Variants in HAPLN3 observed in about 807,000 individuals in gnomAD.
HAPLN3 encodes the protein extracellular link domain containing, 1.
A neutral mutation model predicts 28.1 loss-of-function variants in HAPLN3; 28 were observed. That is an observed-to-expected ratio of 1.00 (90% CI 0.74 to 1.37). The LOEUF is 1.37. Ranked by LOEUF, HAPLN3 falls within the 40% of genes most tolerant of loss-of-function variation. The probability of loss-of-function intolerance (pLI) is 0.00; values close to 1 mark genes in which losing one functional copy is unlikely to be tolerated. For missense variants in HAPLN3, 513 were observed against 504.6 expected (o/e 1.02, Z -0.16); for synonymous variants, 211 against 213.1 (o/e 0.99, Z 0.09).
At chr15:88,893,947 G>T (rs1567208710) in intron 1 of HAPLN3, among the ~76,000 whole-genome samples, 1 of 128,816 alleles carries the variant, frequency 7.8e-6, no homozygotes, top group Non-Finnish European at 1.6e-5. Flanking sequence ...AAAAAAAGTT[G>T]GGGTGGGGGG....
At chr15:88,885,276 TTTG>T (rs529785552) in intron 2 of HAPLN3, among the ~76,000 whole-genome samples, 117 of 152,088 alleles carry the variant, frequency 7.7e-4, no homozygotes, top group African/African-American at 2.4e-3. Flanking sequence ...GTGGAACAAG[TTTG>T]TTGTTGTTGT....
chr15:88,886,302 G>T (rs537569201), intron 2 of HAPLN3, among the ~76,000 whole-genome samples: 1 of 145,646 alleles, frequency 6.9e-6, no homozygotes, highest in East Asian at 2.0e-4. Context: ...AGTGAGCCAA[G>T]ATCGCGCCAC....
intron 2 of HAPLN3, among the ~76,000 whole-genome samples, chr15:88,885,615 G>A (rs1458276188): frequency 2.0e-5 from 3 of 151,986 alleles, no homozygotes; most frequent in Admixed American, 1.3e-4. Context: ...CTGCCACCAC[G>A]CCCGGCTACT....
chr15:88,880,353 C>CA lies in HAPLN3; in HGVS notation c.493+1003dup. 1 of 1,120,320 alleles carries CA rather than the reference C, an allele frequency of 8.9e-7. No homozygotes were observed. Among genetic ancestry groups the CA allele is most frequent in the Non-Finnish European group, 1.1e-6 (1 of 905,300 alleles). 69.4% of individuals were successfully genotyped at this position (1,120,320 alleles called of 1,614,324 possible). A position where few individuals can be genotyped will look rare whatever the true frequency, so the allele number is the denominator to read the frequency against. The stretch of plus-strand genomic sequence containing the variant: ...GGCCCCTCTGAGCCACCATGTAAGC[C>CA]ATGTGGACACTGGTGGCAAAGACAG... On this transcript the variant is annotated intron_variant, in intron 3 of 4. Transcript: ENST00000359595. The surrounding 1 kb of genome is among the most constrained non-coding windows in gnomAD (Gnocchi z 6.0).
chr15:88,881,494 ACGCGGCCTTG>A lies in HAPLN3; in HGVS notation c.346_355del (p.Gln116CysfsTer159). On this transcript the variant is annotated frameshift_variant, in exon 3 of 5. Transcript: ENST00000359595. LOFTEE classifies it high-confidence loss of function. The surrounding 1 kb of genome is among the most constrained non-coding windows in gnomAD (Gnocchi z 6.0). ...ATGCTCTTTGTCCTGCCGCAGGTGC[ACGCGGCCTTG>A]GTAGTCCCCAAAGGAGCGGTGCCTC... 1 of 1,614,068 alleles carries A rather than the reference ACGCGGCCTTG, an allele frequency of 6.2e-7. No homozygotes were observed. Among genetic ancestry groups the A allele is most frequent in the Non-Finnish European group, 8.5e-7 (1 of 1,180,036 alleles).
chr15:88,891,551 G>A (rs539735253), intron 1 of HAPLN3, among the ~76,000 whole-genome samples: 11 of 152,228 alleles, frequency 7.2e-5, no homozygotes, highest in South Asian at 4.1e-4. Flanking sequence ...GCCCGCCTCC[G>A]CCTCCCAAAG....
chr15:88,879,106 A>G lies in HAPLN3; in HGVS notation c.657T>C (p.Asp219=). The G allele has an allele frequency of 1.9e-6, 3 of 1,612,834 alleles. No individual in the cohort carries two copies. The highest frequency in any genetic ancestry group is 2.5e-6 in the Non-Finnish European group (3 of 1,179,586). The change falls in exon 4 of 5, where the codon GAT becomes GAC. Residue 219 remains aspartate (D), a synonymous_variant. Transcript: ENST00000359595. This position sits in a 1 kb window ranked among gnomAD's most constrained non-coding sequence, Gnocchi z 5.0. The stretch of plus-strand genomic sequence containing the variant: ...ACATGATGGGGTACTGCACCGTGGC[A>G]TCCTGCAGCCAGCCCGCGTTGCACC... ...LDWCNAGWLQ[D]ATVQYPIMLP...
At chr15:88,885,947 A>G (rs118151174) in intron 2 of HAPLN3, among the ~76,000 whole-genome samples, 1 of 152,274 alleles carries the variant, frequency 6.6e-6, no homozygotes, top group East Asian at 1.9e-4. Flanking sequence ...CTCTGAGCCT[A>G]GTTTGCTCAT....
rs545907871 is a variant in HAPLN3 at position 88,888,303 on chromosome 15, G to C, written c.-47-958C>G. On this transcript the variant is annotated intron_variant, in intron 1 of 4. Transcript: ENST00000359595. This position sits in a 1 kb window ranked among gnomAD's most constrained non-coding sequence, Gnocchi z 4.1. ...AGACGGGGTTTCACCGCGTTAGCCA[G>C]GATGATCTCAATCTCCTGACCTAGT... is the stretch of plus-strand genomic sequence containing the variant. Among the ~76,000 whole-genome samples the C allele has an allele frequency of 3.3e-5, 5 of 151,924 alleles. No individual in the cohort carries two copies. Among genetic ancestry groups the C allele is most frequent in the Non-Finnish European group, 7.4e-5 (5 of 68,000 alleles).
rs946622447 is a variant in HAPLN3, at chr15:88,881,442, C to T, written c.408G>A (p.Leu136=). ...GGTAACGCCCATAGTCCTCCAGCCGCAGATCCTGGATCTCCAGCGAGACGT... is the reference window on the plus strand; with the variant it reads ...GGTAACGCCCATAGTCCTCCAGCCGTAGATCCTGGATCTCCAGCGAGACGT... ...EHDVSLEIQD[L]RLEDYGRYRC... Residue 136 remains leucine, a synonymous_variant, in exon 3 of 5, where the codon CTG becomes CTA. Coordinates refer to ENST00000359595, the MANE Select transcript of HAPLN3 (RefSeq NM_178232.4). This position sits in a 1 kb window ranked among gnomAD's most constrained non-coding sequence, Gnocchi z 6.0. 3.7e-6 allele frequency: 6 copies of T among 1,613,984 alleles called. No homozygotes were observed. Among genetic ancestry groups the T allele is most frequent in the Admixed American group, 1.7e-5 (1 of 60,008 alleles).
In HAPLN3 at chr15:88,880,341, C is replaced by A; in HGVS notation, c.493+1016G>T. ...AATGAGGAATGCGGCCCCTCTGAGCCACCATGTAAGCCATGTGGACACTGG... is the reference window on the plus strand; with the variant it reads ...AATGAGGAATGCGGCCCCTCTGAGCAACCATGTAAGCCATGTGGACACTGG... On this transcript the variant is annotated intron_variant, in intron 3 of 4. Transcript: ENST00000359595. This position sits in a 1 kb window ranked among gnomAD's most constrained non-coding sequence, Gnocchi z 6.0. The A allele has an allele frequency of 9.2e-7, 1 of 1,087,300 alleles. No individual in the cohort carries two copies. Among genetic ancestry groups the A allele is most frequent in the Non-Finnish European group, 1.1e-6 (1 of 887,850 alleles). The allele number at this position is 1,087,300 out of a possible 1,614,324, so 67.4% of individuals were successfully genotyped here.
At chr15:88,878,307 G>A (rs1324546443) in intron 4 of HAPLN3, 51 bp from the exon 5 acceptor site, 4 of 1,528,710 alleles carry the variant, frequency 2.6e-6, no homozygotes, top group Non-Finnish European at 3.6e-6. Context: ...CAGCCAGAGA[G>A]CACAGCGGGG....
rs1567200924 is a variant in HAPLN3, at chr15:88,881,439, C to T, written c.411G>A (p.Arg137=). 6.2e-7 allele frequency: 1 copy of T among 1,614,088 alleles called. No individual in the cohort carries two copies. Among genetic ancestry groups the T allele is most frequent in the East Asian group, 2.2e-5 (1 of 44,886 alleles). The change falls in exon 3 of 5, where the codon CGG becomes CGA. Residue 137 remains arginine (R), a synonymous_variant. Coordinates refer to ENST00000359595, the MANE Select transcript of HAPLN3 (RefSeq NM_178232.4). The surrounding 1 kb of genome is among the most constrained non-coding windows in gnomAD (Gnocchi z 6.0). Reference sequence around the variant, plus strand: ...AGCGGTAACGCCCATAGTCCTCCAGCCGCAGATCCTGGATCTCCAGCGAGA... The same window carrying T: ...AGCGGTAACGCCCATAGTCCTCCAGTCGCAGATCCTGGATCTCCAGCGAGA... ...HDVSLEIQDL[R]LEDYGRYRCE...
Position 88,879,809 on chromosome 15 carries a change from G to C in HAPLN3, c.494-540C>G, listed in dbSNP as rs1300178819. On this transcript the variant is annotated intron_variant, in intron 3 of 4. Transcript: ENST00000359595. This position sits in a 1 kb window ranked among gnomAD's most constrained non-coding sequence, Gnocchi z 5.0. ...TTCCATAAAGGAGGCTCAAGGGCAGGGAGGTCTGGGGCAGGCGGTTTCTCT... is the reference window on the plus strand; with the variant it reads ...TTCCATAAAGGAGGCTCAAGGGCAGCGAGGTCTGGGGCAGGCGGTTTCTCT... 1.2e-5 allele frequency: 13 copies of C among 1,088,908 alleles called. 1 individual carries two copies. The highest frequency in any genetic ancestry group is 9.9e-5 in the African/African-American group (6 of 60,360). 67.5% of individuals were successfully genotyped at this position (1,088,908 alleles called of 1,614,324 possible).
At chr15:88,887,427 C>G (rs1897894438) in intron 1 of HAPLN3, 82 bp from the exon 2 acceptor site, 4 of 1,288,296 alleles carry the variant, frequency 3.1e-6, no homozygotes, top group East Asian at 5.0e-5. Context: ...ACCACTCACT[C>G]GCTTGCTCAA....
intron 2 of HAPLN3, 98 bp downstream of exon 2, chr15:88,887,077 T>A: frequency 1.5e-6 from 2 of 1,332,486 alleles, no homozygotes; most frequent in Non-Finnish European, 1.1e-6. Context: ...ACAGGGCTGC[T>A]GTCCCTGTCC....
intron 1 of HAPLN3, among the ~76,000 whole-genome samples, chr15:88,889,882 C>T (rs1897964340): frequency 6.6e-6 from 1 of 151,808 alleles, no homozygotes; most frequent in Non-Finnish European, 1.5e-5. Flanking sequence ...GCTATGATTG[C>T]AACCATGTGG....
intron 1 of HAPLN3, chr15:88,892,939 G>A (rs1262529430): frequency 6.5e-7 from 1 of 1,532,680 alleles, no homozygotes; most frequent in Admixed American, 2.0e-5. Flanking sequence ...GGTGCCACCA[G>A]CTGGAAGGCC....
chr15:88,881,289 T>C lies in HAPLN3; in HGVS notation c.493+68A>G, dbSNP rs1309175340. ...AATGTCTAAAGCACAGAGGTCTGGA[T>C]GTTTTCTCTGGTCCTCTCCCCTCTG... is the stretch of plus-strand genomic sequence containing the variant. On this transcript the variant is annotated intron_variant, in intron 3 of 4. Coordinates refer to ENST00000359595, the MANE Select transcript of HAPLN3 (RefSeq NM_178232.4). The surrounding 1 kb of genome is among the most constrained non-coding windows in gnomAD (Gnocchi z 6.0). The C allele has an allele frequency of 1.8e-5, 27 of 1,523,598 alleles. No individual in the cohort carries two copies. Among genetic ancestry groups the C allele is most frequent in the Non-Finnish European group, 2.3e-5 (26 of 1,132,166 alleles). 94.4% of individuals were successfully genotyped at this position (1,523,598 alleles called of 1,614,324 possible).
Sources: gnomAD v4.1 joint callset for allele counts (sites outside exome capture counted in the v4.1 genomes callset) on GRCh38, gnomAD v4.1.1 for gene constraint, Gnocchi (gnomAD v3.1) non-coding constraint, MANE v1.5 for transcripts, NCBI Gene and HGNC (gene_info 2026-07-23, HGNC 2026-07-21) for gene names.